Variants in MAST4 observed in about 807,000 individuals in gnomAD.
MAST4 encodes the protein microtubule associated serine/threonine kinase family member 4, also known as microtubule-associated serine/threonine-protein kinase 4.
A neutral mutation model predicts 162.7 loss-of-function variants in MAST4; 89 were observed. The observed-to-expected ratio is 0.55, with a 90% CI of 0.46 to 0.65. The LOEUF is 0.65. MAST4 is among the 30% of genes least tolerant of loss of function. MAST4 has a pLI of 0.00. For synonymous variants in MAST4, 1,479 were observed against 1,361.1 expected (o/e 1.09, Z -1.91); for missense variants, 3,153 against 3,374.0 (o/e 0.93, Z 1.62).
intron 4 of MAST4, among the ~76,000 whole-genome samples, chr5:66,916,163 T>C (rs1353533878): frequency 2.6e-5 from 4 of 152,258 alleles, no homozygotes; most frequent in East Asian, 1.9e-4. Context: ...TTAACCTGTT[T>C]CTTTAAAAAT....
chr5:66,880,168 C>T (rs1761597806), intron 3 of MAST4, among the ~76,000 whole-genome samples: 1 of 152,114 alleles, frequency 6.6e-6, no homozygotes, highest in Non-Finnish European at 1.5e-5. Context: ...AGTCAAAGGG[C>T]CAAATAGTAG....
At chr5:66,669,960 G>T (rs377690045) in intron 1 of MAST4, among the ~76,000 whole-genome samples, 166 of 152,316 alleles carry the variant, frequency 1.1e-3, no homozygotes, top group African/African-American at 3.9e-3. Flanking sequence ...TGTCTGTCTG[G>T]CATTCAGGTA....
Position 67,153,524 on chromosome 5 carries a change from A to G in MAST4, c.3592A>G (p.Asn1198Asp), listed in dbSNP as rs1772102294. 6.2e-7 allele frequency: 1 copy of G among 1,601,468 alleles called. No individual in the cohort carries two copies. The highest frequency in any genetic ancestry group is 8.5e-7 in the Non-Finnish European group (1 of 1,173,530). The change falls in exon 26 of 29, where the codon AAT becomes GAT. Residue 1198 changes from asparagine to aspartate, a missense_variant. Physicochemically the swap from Asn to Asp is conservative, Grantham distance 23 (BLOSUM62 1). Around this residue, in one of 7 missense-constraint regions of MAST4, gnomAD observed 619 missense variants for 744.2 expected, o/e 0.83. Transcript: ENST00000403625. ...GGCTGGAGATCTTATCACTCACATC[A>G]ATGGAGAACCAGTGCATGGACTTGT... ...LKAGDLITHI[N>D]GEPVHGLVHT...
intron 3 of MAST4, among the ~76,000 whole-genome samples, chr5:66,796,752 G>A (rs1250356171): frequency 2.0e-5 from 3 of 152,178 alleles, no homozygotes; most frequent in Admixed American, 6.5e-5. Context: ...CAACTGGTGT[G>A]CCAACCATTT....
chr5:66,787,649 C>T (rs1302516973), intron 2 of MAST4, among the ~76,000 whole-genome samples: 2 of 152,194 alleles, frequency 1.3e-5, no homozygotes, highest in Admixed American at 6.5e-5. Flanking sequence ...CCACCAGCTA[C>T]GCATGCTGCA....
At chr5:67,159,988 C>T (rs1466994152) in intron 26 of MAST4, among the ~76,000 whole-genome samples, 1 of 152,190 alleles carries the variant, frequency 6.6e-6, no homozygotes, top group East Asian at 1.9e-4. Context: ...AAAGAAAAAT[C>T]AACCAAGAGC....
chr5:67,024,500 C>T (rs1447756834), intron 4 of MAST4, among the ~76,000 whole-genome samples: 1 of 151,442 alleles, frequency 6.6e-6, no homozygotes, highest in Non-Finnish European at 1.5e-5. Context: ...TCTATATATA[C>T]ACATTCAAAA....
At chr5:67,156,587 G>A (rs1350594495) in intron 26 of MAST4, among the ~76,000 whole-genome samples, 2 of 152,248 alleles carry the variant, frequency 1.3e-5, no homozygotes, top group African/African-American at 2.4e-5. Flanking sequence ...TGGCAATTCA[G>A]TATATAGTCA....
chr5:66,919,998 CTT>C (rs1006936855), intron 4 of MAST4, among the ~76,000 whole-genome samples: 1 of 147,294 alleles, frequency 6.8e-6, no homozygotes. Context: ...CTCTCTCTCT[CTT>C]TCTAATGAAC....
intron 4 of MAST4, chr5:66,959,151 C>T (rs745722249): frequency 3.9e-6 from 3 of 769,616 alleles, no homozygotes; most frequent in Non-Finnish European, 7.3e-6. Context: ...TTAGTCCAGT[C>T]CTTTAGAGAG....
chr5:66,724,574 T>C (rs568009968), intron 1 of MAST4, among the ~76,000 whole-genome samples: 1 of 152,188 alleles, frequency 6.6e-6, no homozygotes, highest in South Asian at 2.1e-4. Context: ...AATTTTGTCA[T>C]TTCGCAAACA....
At chr5:66,614,670 T>C (rs539216466) in intron 1 of MAST4, among the ~76,000 whole-genome samples, 1 of 152,314 alleles carries the variant, frequency 6.6e-6, no homozygotes, top group Admixed American at 6.5e-5. Context: ...AGTTCCCTCT[T>C]GTCATTTGAA....
intron 2 of MAST4, among the ~76,000 whole-genome samples, chr5:66,768,117 TAGA>T (rs1754186069): frequency 6.6e-6 from 1 of 152,118 alleles, no homozygotes; most frequent in Non-Finnish European, 1.5e-5. Flanking sequence ...TCTGGATAAA[TAGA>T]AGTACAGATA....
chr5:66,612,742 C>G (rs576850083), intron 1 of MAST4, among the ~76,000 whole-genome samples: 1 of 152,004 alleles, frequency 6.6e-6, no homozygotes, highest in African/African-American at 2.4e-5. Flanking sequence ...TTCCATGGTG[C>G]CTTGACGATT....
At chr5:66,689,195 G>C (rs1049641443) in intron 1 of MAST4, among the ~76,000 whole-genome samples, 8 of 151,810 alleles carry the variant, frequency 5.3e-5, no homozygotes, top group African/African-American at 1.9e-4. Flanking sequence ...CTTCATGTTT[G>C]TGAAGACCAT....
At chr5:66,614,311 T>C (rs1036345432) in intron 1 of MAST4, among the ~76,000 whole-genome samples, 26 of 152,218 alleles carry the variant, frequency 1.7e-4, no homozygotes, top group African/African-American at 6.0e-4. Context: ...CCACAGTGTG[T>C]ACTCTGGACT....
At chr5:67,037,289 T>A (rs1053708458) in intron 4 of MAST4, among the ~76,000 whole-genome samples, 6 of 152,084 alleles carry the variant, frequency 3.9e-5, no homozygotes, top group African/African-American at 1.4e-4. Flanking sequence ...TTGTTGAGGG[T>A]TCCAGCTTCC....
chr5:66,821,302 A>G (rs1162971791), intron 3 of MAST4, among the ~76,000 whole-genome samples: 3 of 152,244 alleles, frequency 2.0e-5, no homozygotes, highest in Non-Finnish European at 2.9e-5. Context: ...CATATACAGT[A>G]CATGTCTGCT....
At chr5:66,679,429 C>A (rs1263425255) in intron 1 of MAST4, among the ~76,000 whole-genome samples, 1 of 152,206 alleles carries the variant, frequency 6.6e-6, no homozygotes, top group African/African-American at 2.4e-5. Context: ...GTGGGAGCTG[C>A]CCTGTTGGCA....
Sources: allele counts gnomAD v4.1 joint callset (sites outside exome capture counted in the v4.1 genomes callset), GRCh38; gene constraint gnomAD v4.1.1; regional missense constraint gnomAD v4.1.1; transcripts MANE v1.5; gene names NCBI Gene and HGNC (gene_info 2026-07-23, HGNC 2026-07-21).